IQCE: variants seen among roughly 807,000 people sequenced by gnomAD.
The protein encoded by IQCE is IQ domain-containing protein E.
In IQCE, 115 loss-of-function variants were observed where a neutral mutation model predicts 96.0. The ratio of observed to expected loss-of-function variants is 1.20; its 90% CI spans 1.03 to 1.40. The LOEUF (loss-of-function observed/expected upper bound fraction) is 1.40. Ranked by LOEUF, IQCE falls within the 40% of genes most tolerant of loss-of-function variation. IQCE has a pLI of 0.00. For synonymous variants in IQCE, 412 were observed against 371.2 expected (o/e 1.11, Z -1.26); for missense variants, 1,041 against 909.1 (o/e 1.15, Z -1.87).
chr7:2,568,450 C>T (rs999252554), intron 2 of IQCE, among the ~76,000 whole-genome samples: 1 of 152,196 alleles, frequency 6.6e-6, no homozygotes, highest in African/African-American at 2.4e-5. Flanking sequence ...GGACCCCGTT[C>T]TGTGAGATCT....
rs1781758956 is a variant in IQCE at position 2,571,594 on chromosome 7, C to T, written c.199C>T (p.Pro67Ser). The T allele has an allele frequency of 2.5e-6, 4 of 1,603,192 alleles. No homozygotes were observed. Among genetic ancestry groups the T allele is most frequent in the Middle Eastern group, 1.6e-4 (1 of 6,062 alleles). The change falls in exon 4 of 22, where the codon CCT (proline) becomes TCT (serine). Residue 67 changes from proline (P) to serine (S), a missense_variant. Pro to Ser is a moderately conservative substitution (Grantham distance 74). Transcript: ENST00000402050. ...WRSLRTAGSM[P>S]LGGRASLTPQ... Reference sequence around the variant, plus strand: ...GTCCCTCAGGACGGCAGGGAGCATGCCTCTGGGCGGCCGAGCGTCCCTGAC... The same window carrying T: ...GTCCCTCAGGACGGCAGGGAGCATGTCTCTGGGCGGCCGAGCGTCCCTGAC...
At chr7:2,569,108 C>CAT (rs1781582975) in intron 3 of IQCE, 109 bp downstream of exon 3, 1 of 1,054,666 alleles carries the variant, frequency 9.5e-7, no homozygotes, top group African/African-American at 1.6e-5. Context: ...CCTGACGCCT[C>CAT]AGCCAGTTGG....
At chr7:2,583,543 T>C (rs1341280861) in intron 9 of IQCE, 94 bp from the exon 10 acceptor site, 3 of 851,198 alleles carry the variant, frequency 3.5e-6, no homozygotes, top group Non-Finnish European at 3.5e-6. Context: ...TTCCAAAGCC[T>C]CTCCTCTTCT....
chr7:2,572,319 C>T lies in IQCE; in HGVS notation c.387C>T (p.Ala129=), dbSNP rs371416533. ...RVKRPHLRRS[A]SNGHVPGTPV... Reference sequence around the variant, plus strand: ...AGAGGCCACATCTCAGGCGCTCTGCCAGCAACGGTGAGCATGCCGATGGTG... The same window carrying T: ...AGAGGCCACATCTCAGGCGCTCTGCTAGCAACGGTGAGCATGCCGATGGTG... The change falls in exon 5 of 22, where the codon GCC becomes GCT. Residue 129 remains alanine (A), a synonymous_variant. Coordinates refer to ENST00000402050, the MANE Select transcript of IQCE (RefSeq NM_152558.5). 6.2e-7 allele frequency: 1 copy of T among 1,613,724 alleles called. No individual in the cohort carries two copies. The highest frequency in any genetic ancestry group is 8.5e-7 in the Non-Finnish European group (1 of 1,179,896).
rs753648733 is a variant in IQCE, at chr7:2,583,620, T to C, written c.702-17T>C. On this transcript the variant is annotated splice_polypyrimidine_tract_variant and intron_variant, in intron 9 of 21. Coordinates refer to ENST00000402050, the MANE Select transcript of IQCE (RefSeq NM_152558.5). ...AACGCTGGCACATCCCTATTAACGCTGAACTTGGGTTTTCAGCAAACTCCA... is the reference window on the plus strand; with the variant it reads ...AACGCTGGCACATCCCTATTAACGCCGAACTTGGGTTTTCAGCAAACTCCA... 7 of 1,586,962 alleles carry C rather than the reference T, an allele frequency of 4.4e-6. No individual in the cohort carries two copies. The highest frequency in any genetic ancestry group is 1.7e-4 in the Middle Eastern group (1 of 5,944).
intron 3 of IQCE, among the ~76,000 whole-genome samples, chr7:2,571,213 CTTG>C (rs1486739601): frequency 6.6e-6 from 1 of 151,970 alleles, no homozygotes; most frequent in Admixed American, 6.6e-5. Flanking sequence ...GAGACAGGGT[CTTG>C]TTGTATTGCC....
chr7:2,579,428 G>C (rs1264769204), intron 8 of IQCE, among the ~76,000 whole-genome samples: 1 of 152,124 alleles, frequency 6.6e-6, no homozygotes, highest in Non-Finnish European at 1.5e-5. Context: ...CACTGTAATG[G>C]GGGAGGAGAA....
At position 2,611,671 on chromosome 7, in the gene IQCE, A is replaced by T. The variant is rs1344327168; in HGVS notation, c.*1509A>T. On this transcript the variant is annotated 3_prime_UTR_variant, in exon 22 of 22. Coordinates refer to ENST00000402050, the MANE Select transcript of IQCE (RefSeq NM_152558.5). ...CAGCCCAGCCTGTTCTCTCCCAGTC[A>T]CTCAGGGATGGGGCCACCCAAAGTG... The T allele has an allele frequency of 1.4e-5, 2 of 138,006 alleles. No individual in the cohort carries two copies. Among genetic ancestry groups the T allele is most frequent in the Non-Finnish European group, 3.2e-5 (2 of 62,182 alleles). The allele number at this position is 138,006 out of a possible 1,614,324, so 8.5% of individuals were successfully genotyped here.
At chr7:2,576,834 C>G (rs998468796) in intron 6 of IQCE, among the ~76,000 whole-genome samples, 4 of 152,200 alleles carry the variant, frequency 2.6e-5, no homozygotes, top group African/African-American at 9.7e-5. Flanking sequence ...GCATGTTAGC[C>G]TTGGATGAGT....
At chr7:2,562,734 T>C (rs1048036719) in intron 1 of IQCE, among the ~76,000 whole-genome samples, 2 of 152,098 alleles carry the variant, frequency 1.3e-5, no homozygotes, top group African/African-American at 4.8e-5. Context: ...CTATTTTCTA[T>C]TTCATTTATT....
Position 2,572,288 on chromosome 7 carries a change from G to A in IQCE, c.356G>A (p.Arg119Lys), listed in dbSNP as rs370278948. 54 of 1,614,110 alleles carry A rather than the reference G, an allele frequency of 3.3e-5. 1 individual carries two copies. The highest frequency in any genetic ancestry group is 3.3e-4 in the Middle Eastern group (2 of 6,084). The stretch of plus-strand genomic sequence containing the variant: ...CCTGACTGTCTGACAGACACCTTCA[G>A]AGTGAAGAGGCCACATCTCAGGCGC... ...GTPDCLTDTF[R>K]VKRPHLRRSA... Residue 119 changes from arginine to lysine, a missense_variant, in exon 5 of 22, where the codon AGA becomes AAA. Transcript: ENST00000402050.
At chr7:2,559,308 G>C in intron 1 of IQCE, 91 bp downstream of exon 1, 1 of 713,080 alleles carries the variant, frequency 1.4e-6, no homozygotes, top group Non-Finnish European at 1.9e-6. Flanking sequence ...CCGCGCAGGG[G>C]CCGGCCCGGG....
At chr7:2,571,421 C>CA in intron 3 of IQCE, 105 bp from the exon 4 acceptor site, 2 of 1,433,904 alleles carry the variant, frequency 1.4e-6, no homozygotes, top group South Asian at 2.4e-5. Context: ...CTAGAGTCAC[C>CA]ACGCTCGTGG....
At position 2,614,403 on chromosome 7, in the gene IQCE, C is replaced by A. The variant is rs1046759810; in HGVS notation, c.*4241C>A. The A allele has an allele frequency of 6.6e-6, 1 of 152,240 alleles. No individual in the cohort carries two copies. Among genetic ancestry groups the A allele is most frequent in the African/African-American group, 2.4e-5 (1 of 41,464 alleles). The allele number at this position is 152,240 out of a possible 1,614,324, so 9.4% of individuals were successfully genotyped here. Reference sequence around the variant, plus strand: ...CGCCATGGGTCCGAGCCAGCTATTTCTCAAGGCTCCCACCTCGCCAAGCTC... The same window carrying A: ...CGCCATGGGTCCGAGCCAGCTATTTATCAAGGCTCCCACCTCGCCAAGCTC... On this transcript the variant is annotated 3_prime_UTR_variant, in exon 22 of 22. Transcript: ENST00000402050.
At chr7:2,562,521 G>C (rs1395920222) in intron 1 of IQCE, among the ~76,000 whole-genome samples, 4 of 150,792 alleles carry the variant, frequency 2.7e-5, no homozygotes. Flanking sequence ...TTAAATGTTT[G>C]ATAGAATTCA....
At chr7:2,576,627 C>G (rs1047141818) in intron 6 of IQCE, among the ~76,000 whole-genome samples, 1 of 152,216 alleles carries the variant, frequency 6.6e-6, no homozygotes, top group Middle Eastern at 3.4e-3. Flanking sequence ...TCTCGAACTC[C>G]TGACCTCGTG....
intron 13 of IQCE, among the ~76,000 whole-genome samples, 199 bp downstream of exon 13, chr7:2,588,076 G>A (rs1783268124): frequency 1.3e-5 from 2 of 152,232 alleles, no homozygotes; most frequent in Non-Finnish European, 2.9e-5. Flanking sequence ...TGGGCTGTGA[G>A]CTTCTGTGCG....
At chr7:2,595,047 T>G (rs1029617559) in intron 16 of IQCE, 71 bp downstream of exon 16, 2 of 1,078,794 alleles carry the variant, frequency 1.9e-6, no homozygotes, top group Non-Finnish European at 2.9e-6. Context: ...TCTGACCGTT[T>G]CCCTGTCCAG....
chr7:2,594,860 T>G, intron 15 of IQCE, 26 bp from the exon 16 acceptor site: 1 of 1,531,628 alleles, frequency 6.5e-7, no homozygotes, highest in Non-Finnish European at 9.1e-7. Context: ...AGGTGAGGTG[T>G]CTCATCTTTT....
Sources: allele counts gnomAD v4.1 joint callset (sites outside exome capture counted in the v4.1 genomes callset), GRCh38; gene constraint gnomAD v4.1.1; transcripts MANE v1.5; gene names NCBI Gene and HGNC (gene_info 2026-07-23, HGNC 2026-07-21).